Variants in GMDS observed in about 807,000 individuals in gnomAD.
GMDS encodes GDP-mannose 4,6 dehydratase.
Under a neutral mutation model 49.9 loss-of-function variants are expected in GMDS, and 20 were observed. The ratio of observed to expected loss-of-function variants is 0.40; its 90% CI spans 0.28 to 0.58. The LOEUF (loss-of-function observed/expected upper bound fraction) is 0.58, where lower values mean the gene tolerates loss of function less well. Ranked by LOEUF, GMDS falls within the 20% of genes least tolerant of loss-of-function variation. The pLI, the probability that GMDS is intolerant of heterozygous loss-of-function variation, is 0.42. For synonymous variants in GMDS, 177 were observed against 178.6 expected (o/e 0.99, Z 0.07); for missense variants, 362 against 481.4 (o/e 0.75, Z 2.32).
chr6:1,984,841 AAATTAGAAAATT>A (rs1457455800), intron 4 of GMDS, among the ~76,000 whole-genome samples: 4 of 152,230 alleles, frequency 2.6e-5, no homozygotes, highest in Non-Finnish European at 5.9e-5. Flanking sequence ...ATGAAATTTT[AAATTAGAAAATT>A]AAAAAGGCAT....
At chr6:1,769,560 A>G (rs1197122221) in intron 7 of GMDS, among the ~76,000 whole-genome samples, 2 of 152,246 alleles carry the variant, frequency 1.3e-5, no homozygotes, top group Non-Finnish European at 2.9e-5. Context: ...TCAGCCACTT[A>G]ACGAGGCTAT....
At position 2,245,401 on chromosome 6, in the gene GMDS, A is replaced by T; in HGVS notation, c.22T>A (p.Cys8Ser). Reference protein sequence around the residue: MAHAPARCPSARGSGDGE... With the variant: MAHAPARSPSARGSGDGE... ...TCCCCGGAGCCCCGGGCGCTGGGGC[A>T]GCGTGCCGGTGCGTGTGCCATGTCC... is the stretch of plus-strand genomic sequence containing the variant. The change falls in exon 1 of 11, where the codon TGC becomes AGC. Residue 8 changes from cysteine to serine, a missense_variant. Physicochemically the swap from Cys to Ser is moderately radical, Grantham distance 112. Coordinates refer to ENST00000380815, the MANE Select transcript of GMDS (RefSeq NM_001500.4). 2 of 1,534,630 alleles carry T rather than the reference A, an allele frequency of 1.3e-6. No individual in the cohort carries two copies. The highest frequency in any genetic ancestry group is 1.7e-6 in the Non-Finnish European group (2 of 1,145,732).
chr6:2,227,651 A>G (rs757755414), intron 1 of GMDS, among the ~76,000 whole-genome samples: 5 of 152,194 alleles, frequency 3.3e-5, no homozygotes, highest in Non-Finnish European at 7.3e-5. Flanking sequence ...TGAGGTGCCA[A>G]TTGTGGCTGG....
intron 1 of GMDS, among the ~76,000 whole-genome samples, chr6:2,153,179 T>C (rs1401298704): frequency 6.6e-6 from 1 of 152,236 alleles, no homozygotes; most frequent in Non-Finnish European, 1.5e-5. Flanking sequence ...TACTTCATTC[T>C]TTATGCCAAA....
intron 7 of GMDS, among the ~76,000 whole-genome samples, chr6:1,876,169 AC>A (rs921638496): frequency 1.3e-5 from 2 of 151,476 alleles, no homozygotes; most frequent in Non-Finnish European, 2.9e-5. Context: ...GAGGCAGGAG[AC>A]TCGCTTGAAC....
intron 7 of GMDS, among the ~76,000 whole-genome samples, chr6:1,913,388 CAAAAAAAAAAAA>C (rs56262461): frequency 9.6e-6 from 1 of 103,976 alleles, no homozygotes; most frequent in African/African-American, 3.8e-5. Context: ...CTCAAACAAA[CAAAAAAAAAAAA>C]AAAAAAAAAG....
intron 9 of GMDS, among the ~76,000 whole-genome samples, chr6:1,634,483 C>A (rs1243041580): frequency 6.6e-6 from 1 of 152,178 alleles, no homozygotes; most frequent in Non-Finnish European, 1.5e-5. Context: ...AACATTTTTA[C>A]CATACTCTTG....
rs1156781656 is a variant in GMDS at position 1,778,429 on chromosome 6, C to T, written c.772-35843G>A. The stretch of plus-strand genomic sequence containing the variant: ...CAGTGGAGACAGCAGACGAGTGGAA[C>T]GGCGGGCACTGTGCTGAGGAGTGGC... On this transcript the variant is annotated intron_variant, in intron 7 of 10. Coordinates refer to ENST00000380815, the MANE Select transcript of GMDS (RefSeq NM_001500.4). The surrounding 1 kb of genome is among the most constrained non-coding windows in gnomAD (Gnocchi z 4.6). Among the ~76,000 whole-genome samples, 5 of 152,134 alleles carry T rather than the reference C, an allele frequency of 3.3e-5. No individual in the cohort carries two copies. The highest frequency in any genetic ancestry group is 2.1e-4 in the South Asian group (1 of 4,826).
chr6:1,779,587 C>T (rs560191978), intron 7 of GMDS, among the ~76,000 whole-genome samples: 4 of 152,186 alleles, frequency 2.6e-5, no homozygotes, highest in East Asian at 3.9e-4. Flanking sequence ...CATGAGTGTG[C>T]GTCTGTGTGA....
At chr6:1,781,582 C>T (rs1295693056) in intron 7 of GMDS, among the ~76,000 whole-genome samples, 2 of 152,098 alleles carry the variant, frequency 1.3e-5, no homozygotes, top group Non-Finnish European at 2.9e-5. Flanking sequence ...CCCTGGCACC[C>T]TCACACCCAG....
chr6:2,028,538 A>G (rs1001181437), intron 4 of GMDS, among the ~76,000 whole-genome samples: 14 of 152,224 alleles, frequency 9.2e-5, no homozygotes, highest in African/African-American at 3.4e-4. Context: ...ACAAAAGGTC[A>G]TTTGGAAGGG....
chr6:1,999,970 T>A (rs867955934), intron 4 of GMDS, among the ~76,000 whole-genome samples: 10 of 11,192 alleles, frequency 8.9e-4, no homozygotes, highest in Middle Eastern at 0.062. Flanking sequence ...TATATATATA[T>A]TATATATATA....
intron 9 of GMDS, among the ~76,000 whole-genome samples, chr6:1,674,936 CTTTCTTTT>C (rs1764567623): frequency 1.3e-5 from 2 of 151,530 alleles, no homozygotes; most frequent in African/African-American, 4.9e-5. Context: ...TTTTAAATTT[CTTTCTTTT>C]TTTCTTTTTT....
chr6:1,827,115 T>TGTGTGTGC (rs1215238761), intron 7 of GMDS, among the ~76,000 whole-genome samples: 1 of 147,882 alleles, frequency 6.8e-6, no homozygotes, highest in Non-Finnish European at 1.5e-5. Context: ...TGTGTGTGTG[T>TGTGTGTGC]GTGTGTATGT....
intron 9 of GMDS, among the ~76,000 whole-genome samples, chr6:1,697,424 T>G (rs2113353751): frequency 6.6e-6 from 1 of 152,346 alleles, no homozygotes; most frequent in Admixed American, 6.5e-5. Context: ...CAGGGCAAAC[T>G]GGGACAGCTG....
At chr6:1,974,039 A>T (rs182936677) in intron 4 of GMDS, among the ~76,000 whole-genome samples, 29 of 152,344 alleles carry the variant, frequency 1.9e-4, no homozygotes, top group Non-Finnish European at 3.1e-4. Flanking sequence ...GGCCAAAGCA[A>T]CATCATATTA....
At chr6:2,037,584 A>G (rs1389402355) in intron 4 of GMDS, among the ~76,000 whole-genome samples, 1 of 152,216 alleles carries the variant, frequency 6.6e-6, no homozygotes, top group Non-Finnish European at 1.5e-5. Flanking sequence ...ACAAGAAACC[A>G]AACATCGGTG....
intron 6 of GMDS, among the ~76,000 whole-genome samples, chr6:1,939,639 T>C (rs1161562953): frequency 6.6e-6 from 1 of 151,702 alleles, no homozygotes; most frequent in Admixed American, 6.6e-5. Flanking sequence ...TTAAAGTTTC[T>C]ATTATATTAT....
At chr6:2,119,209 T>C (rs558624707) in intron 2 of GMDS, among the ~76,000 whole-genome samples, 18 of 152,296 alleles carry the variant, frequency 1.2e-4, no homozygotes, top group African/African-American at 4.1e-4. Context: ...GCCCAAAATA[T>C]AGAGACATGC....
Sources: gnomAD v4.1 joint callset for allele counts (sites outside exome capture counted in the v4.1 genomes callset) on GRCh38, gnomAD v4.1.1 for gene constraint, Gnocchi (gnomAD v3.1) non-coding constraint, MANE v1.5 for transcripts, NCBI Gene and HGNC (gene_info 2026-07-23, HGNC 2026-07-21) for gene names.